SPECC1L: variants seen among roughly 807,000 people sequenced by gnomAD.
SPECC1L encodes cytospin-A.
A neutral mutation model predicts 116.8 loss-of-function variants in SPECC1L; 40 were observed. That is an observed-to-expected ratio of 0.34 (90% CI 0.27 to 0.45). The LOEUF (loss-of-function observed/expected upper bound fraction) is 0.45, where lower values mean the gene tolerates loss of function less well. Among genes scored for constraint, SPECC1L ranks in the 20% least tolerant of loss-of-function variants. The pLI is 1.00. For missense variants in SPECC1L, 1,110 were observed against 1,373.6 expected, an observed-to-expected ratio of 0.81 and a Z score of 3.03; for synonymous variants, 504 against 500.6, an observed-to-expected ratio of 1.01 and a Z score of -0.09.
At chr22:24,281,870 CAG>C (rs1209466688) in intron 2 of SPECC1L, among the ~76,000 whole-genome samples, 3 of 152,172 alleles carry the variant, frequency 2.0e-5, no homozygotes, top group African/African-American at 7.2e-5. Flanking sequence ...ATTGCCTAGA[CAG>C]AGCGGAATCA....
At chr22:24,325,264 C>G (rs1436772853) in intron 6 of SPECC1L, among the ~76,000 whole-genome samples, 1 of 152,172 alleles carries the variant, frequency 6.6e-6, no homozygotes, top group African/African-American at 2.4e-5. Flanking sequence ...AAGGAAACTG[C>G]TGTTAGAGGT....
At chr22:24,370,008 C>T (rs1298499297) in intron 14 of SPECC1L, among the ~76,000 whole-genome samples, 1 of 152,232 alleles carries the variant, frequency 6.6e-6, no homozygotes, top group Non-Finnish European at 1.5e-5. Context: ...GCATTTCATG[C>T]TTTGGCACAA....
intron 2 of SPECC1L, among the ~76,000 whole-genome samples, chr22:24,296,594 C>T (rs977566883): frequency 1.3e-5 from 2 of 152,240 alleles, no homozygotes; most frequent in Non-Finnish European, 2.9e-5. Context: ...GTAATTTCCA[C>T]CACTTCCCCT....
intron 15 of SPECC1L, chr22:24,412,325 T>A (rs2042714563): frequency 4.7e-6 from 2 of 423,418 alleles, no homozygotes; most frequent in Non-Finnish European, 8.9e-6. Flanking sequence ...GGGAAGCTCA[T>A]TTGATGAGTG....
At chr22:24,316,801 C>T (rs1246241080) in intron 4 of SPECC1L, among the ~76,000 whole-genome samples, 24 of 147,844 alleles carry the variant, frequency 1.6e-4, no homozygotes, top group African/African-American at 5.8e-4. Context: ...GGGTACACCT[C>T]CCAGACGGGG....
At chr22:24,310,178 T>C (rs1187841591) in intron 3 of SPECC1L, among the ~76,000 whole-genome samples, 1 of 152,250 alleles carries the variant, frequency 6.6e-6, no homozygotes, top group Non-Finnish European at 1.5e-5. Flanking sequence ...TACCAATTGG[T>C]AGCAGTCTTT....
Position 24,330,280 on chromosome 22 carries a change from T to C in SPECC1L, c.2245T>C (p.Phe749Leu). ...LREESAEWRQ[F>L]QADLQTAVVI... ...GGAAGAATCTGCGGAATGGCGGCAG[T>C]TTCAGGCTGATCTCCAGACTGCAGT... is the stretch of plus-strand genomic sequence containing the variant. The change falls in exon 8 of 17, where the codon TTT becomes CTT. Residue 749 changes from phenylalanine (F) to leucine (L), a missense_variant. Phe to Leu is a conservative substitution (Grantham distance 22, BLOSUM62 0). This residue lies in a region of SPECC1L where 575 missense variants were observed against 682.4 expected (regional missense o/e 0.84). Transcript: ENST00000314328. The C allele has an allele frequency of 6.2e-7, 1 of 1,614,140 alleles. No homozygotes were observed. Among genetic ancestry groups the C allele is most frequent in the East Asian group, 2.2e-5 (1 of 44,878 alleles).
intron 14 of SPECC1L, among the ~76,000 whole-genome samples, chr22:24,372,731 C>A (rs1239170031): frequency 2.0e-5 from 3 of 151,108 alleles, no homozygotes; most frequent in Non-Finnish European, 3.0e-5. Flanking sequence ...GGGATGCCCT[C>A]TCTCACCACT....
At chr22:24,396,928 G>A (rs1316405793) in intron 14 of SPECC1L, among the ~76,000 whole-genome samples, 1 of 152,180 alleles carries the variant, frequency 6.6e-6, no homozygotes, top group African/African-American at 2.4e-5. Flanking sequence ...GAAGTGCCAC[G>A]CAGGGCGCTC....
chr22:24,317,743 G>C (rs566416184), intron 4 of SPECC1L, among the ~76,000 whole-genome samples: 81 of 149,712 alleles, frequency 5.4e-4, no homozygotes, highest in African/African-American at 2.0e-3. Flanking sequence ...CTGCCGGGCG[G>C]AGGGGCTCCT....
intron 2 of SPECC1L, among the ~76,000 whole-genome samples, chr22:24,283,501 T>G (rs2048985169): frequency 6.6e-6 from 1 of 152,250 alleles, no homozygotes; most frequent in South Asian, 2.1e-4. Flanking sequence ...TTGTTTGTAA[T>G]TTTTACATTT....
Position 24,417,338 on chromosome 22 carries a change from G to T in SPECC1L, c.*2715G>T, listed in dbSNP as rs2042819781. On this transcript the variant is annotated 3_prime_UTR_variant, in exon 17 of 17. Coordinates refer to ENST00000314328, the MANE Select transcript of SPECC1L (RefSeq NM_015330.6). ...AGAACCCAGCTCCCTCCTGGGACTGGCTGTGGAGAGAAGGGCACCTCTGAG... is the reference window on the plus strand; with the variant it reads ...AGAACCCAGCTCCCTCCTGGGACTGTCTGTGGAGAGAAGGGCACCTCTGAG... The T allele has an allele frequency of 6.6e-6, 1 of 152,428 alleles. No homozygotes were observed. Among genetic ancestry groups the T allele is most frequent in the African/African-American group, 2.4e-5 (1 of 41,448 alleles). 9.4% of individuals were successfully genotyped at this position (152,428 alleles called of 1,614,324 possible). A position where few individuals can be genotyped will look rare whatever the true frequency, so the allele number is the denominator to read the frequency against.
intron 10 of SPECC1L, chr22:24,343,535 A>G (rs972331457): frequency 4.6e-6 from 2 of 438,768 alleles, no homozygotes; most frequent in Admixed American, 4.9e-5. Context: ...ACCTTGGCTC[A>G]CTGCAACCTC....
intron 10 of SPECC1L, among the ~76,000 whole-genome samples, chr22:24,340,056 A>T (rs2041141156): frequency 6.7e-6 from 1 of 149,554 alleles, no homozygotes; most frequent in South Asian, 2.2e-4. Context: ...AAGTGCTGGG[A>T]TTACAGACAT....
At chr22:24,304,699 A>T (rs2049454175) in intron 3 of SPECC1L, among the ~76,000 whole-genome samples, 2 of 152,272 alleles carry the variant, frequency 1.3e-5, no homozygotes, top group Admixed American at 1.3e-4. Flanking sequence ...ACAGACATGA[A>T]TTAATAAGCT....
chr22:24,315,770 A>C (rs2040550460), intron 4 of SPECC1L, among the ~76,000 whole-genome samples: 1 of 152,244 alleles, frequency 6.6e-6, no homozygotes, highest in South Asian at 2.1e-4. Context: ...GGCTTAAGCC[A>C]CAGAAATTTA....
intron 2 of SPECC1L, among the ~76,000 whole-genome samples, chr22:24,287,677 C>T (rs1163307165): frequency 1.3e-5 from 2 of 152,096 alleles, no homozygotes; most frequent in South Asian, 2.1e-4. Flanking sequence ...GTTGGAGGTG[C>T]CCCTATTCAG....
chr22:24,284,454 A>T (rs970520777), intron 2 of SPECC1L, among the ~76,000 whole-genome samples: 1 of 151,486 alleles, frequency 6.6e-6, no homozygotes, highest in Non-Finnish European at 1.5e-5. Context: ...TTTTATTTTG[A>T]GACAGAGTCT....
intron 14 of SPECC1L, among the ~76,000 whole-genome samples, chr22:24,397,437 TGTTGTGCCAGGGAAGACCA>T (rs2042389912): frequency 6.6e-6 from 1 of 152,118 alleles, no homozygotes; most frequent in African/African-American, 2.4e-5. Flanking sequence ...AAATAGGAAG[TGTTGTGCCAGGGAAGACCA>T]GTTGTCCTTT....
Sources: gnomAD v4.1 joint callset for allele counts (sites outside exome capture counted in the v4.1 genomes callset) on GRCh38, gnomAD v4.1.1 for gene constraint, gnomAD v4.1.1 regional missense constraint, MANE v1.5 for transcripts, NCBI Gene and HGNC (gene_info 2026-07-23, HGNC 2026-07-21) for gene names.